The following EXOSC2 variants were observed in gnomAD, a reference collection of about 807,000 sequenced individuals.
The protein encoded by EXOSC2 is exosome component 2, also known as exosome complex component RRP4.
A neutral mutation model predicts 37.6 loss-of-function variants in EXOSC2; 29 were observed. The observed-to-expected ratio is 0.77, with a 90% CI of 0.57 to 1.05. EXOSC2 has a LOEUF of 1.05. EXOSC2 is among the 50% of genes least tolerant of loss of function. EXOSC2 has a pLI of 0.00. For missense variants in EXOSC2, 346 were observed against 365.6 expected, an observed-to-expected ratio of 0.95 and a Z score of 0.44; for synonymous variants, 119 against 131.1, an observed-to-expected ratio of 0.91 and a Z score of 0.63.
intron 2 of EXOSC2, 99 bp downstream of exon 2, chr9:130,695,692 C>T: frequency 2.0e-6 from 2 of 977,140 alleles, no homozygotes; most frequent in East Asian, 2.5e-5. Context: ...CCCTGCCTGC[C>T]CTGTCATGCT....
chr9:130,703,380 AT>A (rs971997402), intron 8 of EXOSC2, among the ~76,000 whole-genome samples, 199 bp downstream of exon 8: 5 of 152,186 alleles, frequency 3.3e-5, no homozygotes, highest in African/African-American at 9.7e-5. Context: ...CAGTCTAAGG[AT>A]TTTGGGGCAG....
chr9:130,695,870 T>TC (rs1040478819), intron 2 of EXOSC2, among the ~76,000 whole-genome samples: 1 of 149,322 alleles, frequency 6.7e-6, no homozygotes, highest in African/African-American at 2.5e-5. Context: ...TTTTTTTTTT[T>TC]TTTTTTCCGA....
intron 6 of EXOSC2, 27 bp from the exon 7 acceptor site, chr9:130,702,107 A>T (rs1831228599): frequency 1.9e-6 from 3 of 1,610,180 alleles, no homozygotes; most frequent in African/African-American, 2.7e-5. Flanking sequence ...TCTTGCAGTG[A>T]CCTAGCTTCG....
intron 6 of EXOSC2, chr9:130,701,636 C>A (rs1831217254): frequency 8.1e-6 from 8 of 985,918 alleles, no homozygotes; most frequent in Non-Finnish European, 8.4e-6. Context: ...GTCCTGCGGA[C>A]TCTTCCTTGG....
chr9:130,698,208 C>T lies in EXOSC2; in HGVS notation c.317C>T (p.Ser106Leu), dbSNP rs150081500. Residue 106 changes from serine to leucine, a missense_variant, in exon 4 of 9, where the codon TCG (serine) becomes TTG (leucine). Physicochemically the swap from Ser to Leu is moderately radical, Grantham distance 145 (BLOSUM62 -2). Coordinates refer to ENST00000372358, the MANE Select transcript of EXOSC2 (RefSeq NM_014285.7). This position sits in a 1 kb window ranked among gnomAD's most constrained non-coding sequence, Gnocchi z 4.1. Reference protein sequence around the residue: ...WKVETNSRLDSVLLLSSMNLP... With the variant: ...WKVETNSRLDLVLLLSSMNLP... ...GTGGAGACCAACTCCAGGCTGGATTCGGTCTTGCTGCTCTCGTCCATGAAC... is the reference window on the plus strand; with the variant it reads ...GTGGAGACCAACTCCAGGCTGGATTTGGTCTTGCTGCTCTCGTCCATGAAC... 9.9e-6 allele frequency: 16 copies of T among 1,614,142 alleles called. No individual in the cohort carries two copies. In the East Asian group the frequency reaches 2.5e-4, roughly 25 times the overall value.
intron 8 of EXOSC2, 35 bp from the exon 9 acceptor site, chr9:130,703,659 T>C: frequency 6.3e-7 from 1 of 1,579,710 alleles, no homozygotes; most frequent in Non-Finnish European, 8.7e-7. Flanking sequence ...TATGGTTGGT[T>C]TCTTTTCTGA....
Position 130,704,022 on chromosome 9 carries a change from A to G in EXOSC2, c.*248A>G, listed in dbSNP as rs993607249. The G allele has an allele frequency of 1.1e-5, 4 of 353,236 alleles. No homozygotes were observed. Among genetic ancestry groups the G allele is most frequent in the African/African-American group, 2.1e-5 (1 of 47,638 alleles). 21.9% of individuals were successfully genotyped at this position (353,236 alleles called of 1,614,324 possible). ...TTAGGGAATAGTTTCAGCTCTTTCA[A>G]AGTGCACAGTGTTACAGTCGAATGG... On this transcript the variant is annotated 3_prime_UTR_variant, in exon 9 of 9. Transcript: ENST00000372358.
At chr9:130,700,818 G>A in intron 5 of EXOSC2, 49 bp from the exon 6 acceptor site, 2 of 1,581,732 alleles carry the variant, frequency 1.3e-6, no homozygotes, top group African/African-American at 2.7e-5. Flanking sequence ...CAGAGGACAG[G>A]ACAGTGTGTG....
At chr9:130,697,979 A>G in intron 3 of EXOSC2, 183 bp from the exon 4 acceptor site, 1 of 582,192 alleles carries the variant, frequency 1.7e-6, no homozygotes, top group Non-Finnish European at 3.1e-6. Context: ...TTTTTAGTAG[A>G]GATGGGGTTT....
Position 130,694,057 on chromosome 9 carries a change from G to A in EXOSC2, c.122+144G>A, listed in dbSNP as rs1831039686. ...TGAGCATCCTACACACCTCGCTTCC[G>A]AGCCTCGTGCTTCTTGCTCCCTGCA... On this transcript the variant is annotated intron_variant, in intron 1 of 8. Transcript: ENST00000372358. This position sits in a 1 kb window ranked among gnomAD's most constrained non-coding sequence, Gnocchi z 4.0. 4 of 950,828 alleles carry A rather than the reference G, an allele frequency of 4.2e-6. No individual in the cohort carries two copies. Among genetic ancestry groups the A allele is most frequent in the Non-Finnish European group, 5.8e-6 (4 of 684,196 alleles). 58.9% of individuals were successfully genotyped at this position (950,828 alleles called of 1,614,324 possible).
intron 6 of EXOSC2, chr9:130,701,261 G>C (rs1190701153): frequency 3.7e-6 from 1 of 266,818 alleles, no homozygotes; most frequent in Non-Finnish European, 7.3e-6. Flanking sequence ...TCAGCACTGG[G>C]GCTGAGGCTG....
In EXOSC2 at chr9:130,695,596, G is replaced by T; in HGVS notation, c.224+3G>T. 6.2e-7 allele frequency: 1 copy of T among 1,613,690 alleles called. No individual in the cohort carries two copies. Among genetic ancestry groups the T allele is most frequent in the South Asian group, 1.1e-5 (1 of 91,062 alleles). On this transcript the variant is annotated splice_donor_region_variant and intron_variant, in intron 2 of 8. Coordinates refer to ENST00000372358, the MANE Select transcript of EXOSC2 (RefSeq NM_014285.7). ...TGTGTGAAAGCTTTGAAAACCAGGT[G>T]AGAACAAAAGGTGTGTATTCCCTTT...
At chr9:130,703,641 G>GGTCTGT in intron 8 of EXOSC2, 53 bp from the exon 9 acceptor site, 4 of 1,386,708 alleles carry the variant, frequency 2.9e-6, no homozygotes, top group Non-Finnish European at 4.0e-6. Flanking sequence ...TTGGCTTGGT[G>GGTCTGT]GTCTGTTTAT....
intron 5 of EXOSC2, 71 bp downstream of exon 5, chr9:130,699,465 T>C: frequency 2.8e-6 from 4 of 1,420,544 alleles, no homozygotes; most frequent in Non-Finnish European, 4.0e-6. Flanking sequence ...TTCCATTGTA[T>C]GTCTCTGACG....
chr9:130,700,820 C>G (rs777100827), intron 5 of EXOSC2, 47 bp from the exon 6 acceptor site: 3 of 1,584,502 alleles, frequency 1.9e-6, no homozygotes, highest in African/African-American at 2.7e-5. Context: ...GAGGACAGGA[C>G]AGTGTGTGGC....
chr9:130,694,973 A>G lies in EXOSC2; in HGVS notation c.123-519A>G, dbSNP rs1831061124. Among the ~76,000 whole-genome samples the G allele has an allele frequency of 6.6e-6, 1 of 151,694 alleles. No homozygotes were observed. On this transcript the variant is annotated intron_variant, in intron 1 of 8. Transcript: ENST00000372358. The surrounding 1 kb of genome is among the most constrained non-coding windows in gnomAD (Gnocchi z 4.0). ...TGTGATCTGCCCGCCTCGGCCTCCC[A>G]AAGTGCTGGGATTACAGGCATGAGC... is the stretch of plus-strand genomic sequence containing the variant.
chr9:130,698,088 C>A lies in EXOSC2; in HGVS notation c.271-74C>A. Reference sequence around the variant, plus strand: ...GGATTACAGGCGTGAGCCACCACATCTGGCCTTACTGGTTATTTATGATAT... The same window carrying A: ...GGATTACAGGCGTGAGCCACCACATATGGCCTTACTGGTTATTTATGATAT... On this transcript the variant is annotated intron_variant, in intron 3 of 8. Coordinates refer to ENST00000372358, the MANE Select transcript of EXOSC2 (RefSeq NM_014285.7). The surrounding 1 kb of genome is among the most constrained non-coding windows in gnomAD (Gnocchi z 4.1). 7.0e-7 allele frequency: 1 copy of A among 1,427,302 alleles called. No homozygotes were observed. Among genetic ancestry groups the A allele is most frequent in the Non-Finnish European group, 9.9e-7 (1 of 1,012,756 alleles). 88.4% of individuals were successfully genotyped at this position (1,427,302 alleles called of 1,614,324 possible).
At chr9:130,700,822 G>A (rs759995752) in intron 5 of EXOSC2, 45 bp from the exon 6 acceptor site, 6 of 1,593,338 alleles carry the variant, frequency 3.8e-6, no homozygotes, top group Admixed American at 1.7e-5. Context: ...GGACAGGACA[G>A]TGTGTGGCCA....
rs528136128 is a variant in EXOSC2, at chr9:130,701,864, A to G, written c.496-270A>G. On this transcript the variant is annotated intron_variant, in intron 6 of 8. Coordinates refer to ENST00000372358, the MANE Select transcript of EXOSC2 (RefSeq NM_014285.7). ...CTTCAGCTTCTCTAATGTCTGGCAC[A>G]TGAGTTCTGGCTTAGAGTGCAAGGA... 1.2e-5 allele frequency: 14 copies of G among 1,203,436 alleles called. No homozygotes were observed. In the African/African-American group the frequency reaches 2.2e-4, roughly 19 times the overall value. 74.5% of individuals were successfully genotyped at this position (1,203,436 alleles called of 1,614,324 possible). A position where few individuals can be genotyped will look rare whatever the true frequency, so the allele number is the denominator to read the frequency against.
Sources: gnomAD v4.1 joint callset for allele counts (sites outside exome capture counted in the v4.1 genomes callset) on GRCh38, gnomAD v4.1.1 for gene constraint, Gnocchi (gnomAD v3.1) non-coding constraint, MANE v1.5 for transcripts, NCBI Gene and HGNC (gene_info 2026-07-23, HGNC 2026-07-21) for gene names.